ABTB3: variants seen among roughly 807,000 people sequenced by gnomAD.
ABTB3 encodes the protein ankyrin repeat- and BTB/POZ domain-containing protein 3.
chr12:107,320,583 C>A, the ABTB3 span: 2 of 456,130 alleles, frequency 4.4e-6, no homozygotes, highest in Non-Finnish European at 8.8e-6. Context: ...AGGGGCCTGG[C>A]GGCCGTACCG....
At chr12:107,536,580 T>G in the ABTB3 span, among the ~76,000 whole-genome samples, 2 of 151,914 alleles carry the variant, frequency 1.3e-5, no homozygotes, top group East Asian at 3.9e-4. Flanking sequence ...AAGATCTAAA[T>G]AGACATTTCT....
At chr12:107,641,301 C>A in the ABTB3 span, among the ~76,000 whole-genome samples, 4 of 152,106 alleles carry the variant, frequency 2.6e-5, no homozygotes, top group African/African-American at 7.2e-5. Context: ...AATATTGTAC[C>A]AATGTTATAT....
the ABTB3 span, among the ~76,000 whole-genome samples, chr12:107,496,669 C>T: frequency 7.2e-5 from 11 of 152,284 alleles, no homozygotes; most frequent in Admixed American, 2.0e-4. Flanking sequence ...GCATCTACTG[C>T]GTGTCAGGCA....
At chr12:107,358,932 C>G in the ABTB3 span, among the ~76,000 whole-genome samples, 1 of 152,166 alleles carries the variant, frequency 6.6e-6, no homozygotes, top group Non-Finnish European at 1.5e-5. Context: ...TTCTGAAACC[C>G]ACTAAAATGT....
chr12:107,327,582 G>C, the ABTB3 span, among the ~76,000 whole-genome samples: 3 of 152,084 alleles, frequency 2.0e-5, no homozygotes, highest in Non-Finnish European at 2.9e-5. Context: ...TCTTTCTATA[G>C]AGCATACAGG....
At chr12:107,372,546 C>T in the ABTB3 span, among the ~76,000 whole-genome samples, 1 of 152,146 alleles carries the variant, frequency 6.6e-6, no homozygotes, top group Non-Finnish European at 1.5e-5. Context: ...CATAAGGTGT[C>T]CACATGACTA....
the ABTB3 span, among the ~76,000 whole-genome samples, chr12:107,594,027 C>T: frequency 6.6e-6 from 1 of 152,206 alleles, no homozygotes; most frequent in Admixed American, 6.5e-5. Flanking sequence ...TGCAGCAACA[C>T]ATAAAAAAGG....
At chr12:107,610,044 C>G in the ABTB3 span, 1 of 891,742 alleles carries the variant, frequency 1.1e-6, no homozygotes, top group Non-Finnish European at 1.8e-6. Context: ...AAGAGACATC[C>G]GGAGGCCATC....
the ABTB3 span, among the ~76,000 whole-genome samples, chr12:107,638,290 A>G: frequency 6.6e-6 from 1 of 152,104 alleles, no homozygotes; most frequent in African/African-American, 2.4e-5. Flanking sequence ...GTCTGAGTGA[A>G]GAGAATCAGT....
the ABTB3 span, among the ~76,000 whole-genome samples, chr12:107,378,908 G>A: frequency 6.6e-6 from 1 of 152,176 alleles, no homozygotes; most frequent in African/African-American, 2.4e-5. Flanking sequence ...TCTGATGTGA[G>A]AGCCACCCCT....
the ABTB3 span, among the ~76,000 whole-genome samples, chr12:107,410,527 G>C: frequency 6.6e-6 from 1 of 152,238 alleles, no homozygotes; most frequent in Non-Finnish European, 1.5e-5. Flanking sequence ...TTGGTGAAGG[G>C]AATAGAGTTC....
the ABTB3 span, among the ~76,000 whole-genome samples, chr12:107,460,328 A>G: frequency 6.6e-6 from 1 of 152,204 alleles, no homozygotes; most frequent in African/African-American, 2.4e-5. Flanking sequence ...TTGTGAAATT[A>G]TACTGAGATT....
chr12:107,642,058 C>G, the ABTB3 span: 6 of 1,598,426 alleles, frequency 3.8e-6, no homozygotes, highest in East Asian at 8.9e-5. Context: ...GTGTGTGAGT[C>G]TTTTTTATCT....
At chr12:107,410,226 TAAAAAAA>T in the ABTB3 span, among the ~76,000 whole-genome samples, 1 of 122,258 alleles carries the variant, frequency 8.2e-6, no homozygotes, top group African/African-American at 3.1e-5. Context: ...TCAGAATTGT[TAAAAAAA>T]AAAAAAAAAA....
At chr12:107,532,208 G>A in the ABTB3 span, among the ~76,000 whole-genome samples, 3 of 152,232 alleles carry the variant, frequency 2.0e-5, no homozygotes, top group Admixed American at 1.3e-4. Flanking sequence ...CAGCACCCAT[G>A]TGTGCCATGC....
At chr12:107,402,323 A>C in the ABTB3 span, among the ~76,000 whole-genome samples, 2 of 152,312 alleles carry the variant, frequency 1.3e-5, no homozygotes, top group African/African-American at 4.8e-5. Context: ...ATGTGGGCAA[A>C]GGATGGCCCA....
the ABTB3 span, among the ~76,000 whole-genome samples, chr12:107,333,039 C>T: frequency 1.6e-4 from 25 of 152,182 alleles, no homozygotes; most frequent in Admixed American, 1.3e-3. Flanking sequence ...TTTCAGCCCA[C>T]GGTTGTTAAG....
At chr12:107,489,371 C>A in the ABTB3 span, among the ~76,000 whole-genome samples, 1 of 151,988 alleles carries the variant, frequency 6.6e-6, no homozygotes, top group Non-Finnish European at 1.5e-5. Context: ...AAATACAAAA[C>A]CAGCCGGGCG....
chr12:107,623,175 C>G, the ABTB3 span, among the ~76,000 whole-genome samples: 27,241 of 151,258 alleles, frequency 0.18, 3,071 homozygotes, highest in East Asian at 0.28. Context: ...ATTCTCCTGC[C>G]TCAGCCTCCT....
Sources: gnomAD v4.1 joint callset for allele counts (sites outside exome capture counted in the v4.1 genomes callset) on GRCh38, gnomAD v4.1.1 for gene constraint, MANE v1.5 for transcripts, NCBI Gene and HGNC (gene_info 2026-07-23, HGNC 2026-07-21) for gene names.